The following MPRIP variants were observed in gnomAD, a reference collection of about 807,000 sequenced individuals.
The protein encoded by MPRIP is myosin phosphatase Rho-interacting protein.
In MPRIP, 59 loss-of-function variants were observed where a neutral mutation model predicts 234.9. The observed-to-expected ratio is 0.25, with a 90% CI of 0.20 to 0.31. The LOEUF (loss-of-function observed/expected upper bound fraction) is 0.31, where lower values mean the gene tolerates loss of function less well. Ranked by LOEUF, MPRIP falls within the 10% of genes least tolerant of loss-of-function variation. The pLI is 1.00. For missense variants in MPRIP, 2,436 were observed against 3,071.0 expected, an observed-to-expected ratio of 0.79 and a Z score of 4.89; for synonymous variants, 1,144 against 1,263.9, an observed-to-expected ratio of 0.91 and a Z score of 2.01.
Position 17,185,704 on chromosome 17 carries a change from A to G in MPRIP, c.*810A>G. 1 of 356,900 alleles carries G rather than the reference A, an allele frequency of 2.8e-6. No individual in the cohort carries two copies. The allele number at this position is 356,900 out of a possible 1,614,324, so 22.1% of individuals were successfully genotyped here. ...GACTCTGATTGCAAAAAACAAATGAATTCCCCCCAGGAATCATTCAAAATG... is the reference window on the plus strand; with the variant it reads ...GACTCTGATTGCAAAAAACAAATGAGTTCCCCCCAGGAATCATTCAAAATG... On this transcript the variant is annotated 3_prime_UTR_variant, in exon 24 of 24. Coordinates refer to ENST00000651222, the MANE Select transcript of MPRIP (RefSeq NM_001364716.4).
At chr17:17,089,826 T>C (rs544464841) in intron 3 of MPRIP, among the ~76,000 whole-genome samples, 1 of 152,252 alleles carries the variant, frequency 6.6e-6, no homozygotes, top group African/African-American at 2.4e-5. Context: ...GGGAATGTCA[T>C]TGCTGGAAAG....
chr17:17,147,486 A>G, intron 11 of MPRIP, 99 bp downstream of exon 11: 1 of 1,128,682 alleles, frequency 8.9e-7, no homozygotes. Context: ...TAATGTCCCC[A>G]CTTCTGAGGA....
intron 1 of MPRIP, among the ~76,000 whole-genome samples, chr17:17,064,572 C>T (rs997039719): frequency 2.0e-5 from 3 of 152,170 alleles, no homozygotes; most frequent in Admixed American, 1.3e-4. Context: ...AACCCAACCC[C>T]AGCCACCCAG....
intron 3 of MPRIP, among the ~76,000 whole-genome samples, chr17:17,102,042 T>A (rs2089972955): frequency 6.6e-6 from 1 of 152,170 alleles, no homozygotes; most frequent in African/African-American, 2.4e-5. Context: ...CTTCATTTTT[T>A]TTTTTAATTT....
intron 3 of MPRIP, among the ~76,000 whole-genome samples, chr17:17,101,723 G>T (rs1017933474): frequency 4.6e-5 from 7 of 152,374 alleles, no homozygotes; most frequent in Admixed American, 3.9e-4. Context: ...TTTCCTGAGG[G>T]TAGAGTTCTA....
chr17:17,151,043 T>C (rs971952632), intron 12 of MPRIP, among the ~76,000 whole-genome samples: 1 of 150,422 alleles, frequency 6.6e-6, no homozygotes, highest in Non-Finnish European at 1.5e-5. Flanking sequence ...ATTATTATTA[T>C]CATTATTTAG....
At chr17:17,059,859 TGTTCTGA>T (rs1034694271) in intron 1 of MPRIP, among the ~76,000 whole-genome samples, 1 of 152,178 alleles carries the variant, frequency 6.6e-6, no homozygotes, top group African/African-American at 2.4e-5. Context: ...TGGGCATGGC[TGTTCTGA>T]GTTCTGGGAC....
At chr17:17,079,882 T>C (rs4621033) in intron 3 of MPRIP, among the ~76,000 whole-genome samples, 12,580 of 152,216 alleles carry the variant, frequency 0.083, 733 homozygotes, top group East Asian at 0.17. Flanking sequence ...TTCTGGATAA[T>C]TGAGGCCGCT....
intron 23 of MPRIP, among the ~76,000 whole-genome samples, chr17:17,184,435 C>T (rs181694474): frequency 3.3e-5 from 5 of 152,358 alleles, no homozygotes; most frequent in African/African-American, 1.2e-4. Flanking sequence ...TGAAGAATCT[C>T]TGGAGCTGGA....
At chr17:17,076,896 C>G (rs906009460) in intron 2 of MPRIP, among the ~76,000 whole-genome samples, 112 of 150,654 alleles carry the variant, frequency 7.4e-4, no homozygotes, top group Non-Finnish European at 1.4e-3. Context: ...TTCACGTGGC[C>G]TCACTGCCAG....
At chr17:17,049,447 C>G (rs897090719) in intron 1 of MPRIP, among the ~76,000 whole-genome samples, 1 of 152,216 alleles carries the variant, frequency 6.6e-6, no homozygotes, top group Non-Finnish European at 1.5e-5. Flanking sequence ...CTCACACACA[C>G]ACACCTGCCT....
intron 1 of MPRIP, among the ~76,000 whole-genome samples, chr17:17,059,122 G>A (rs1311930295): frequency 1.3e-5 from 2 of 152,182 alleles, no homozygotes; most frequent in Non-Finnish European, 2.9e-5. Context: ...ATGTAGTCAC[G>A]TAACATATAT....
At chr17:17,153,280 C>T (rs1038368631) in intron 12 of MPRIP, among the ~76,000 whole-genome samples, 3 of 152,128 alleles carry the variant, frequency 2.0e-5, no homozygotes, top group Non-Finnish European at 4.4e-5. Flanking sequence ...GCCACTAGCA[C>T]CCATCCGAAA....
intron 14 of MPRIP, among the ~76,000 whole-genome samples, chr17:17,159,843 G>GGAAGT (rs1210361289): frequency 6.6e-6 from 1 of 152,152 alleles, no homozygotes; most frequent in Non-Finnish European, 1.5e-5. Context: ...TTTGCCACTT[G>GGAAGT]GGTATGCCTC....
Position 17,166,033 on chromosome 17 carries a change from A to G in MPRIP, c.4442A>G (p.Asn1481Ser). 1 of 1,303,846 alleles carries G rather than the reference A, an allele frequency of 7.7e-7. No individual in the cohort carries two copies. Among genetic ancestry groups the G allele is most frequent in the Non-Finnish European group, 1.0e-6 (1 of 988,758 alleles). 80.8% of individuals were successfully genotyped at this position (1,303,846 alleles called of 1,614,324 possible). A position where few individuals can be genotyped will look rare whatever the true frequency, so the allele number is the denominator to read the frequency against. Residue 1481 changes from asparagine to serine, a missense_variant, in exon 16 of 24, where the codon AAT becomes AGT. Asn to Ser is a conservative substitution (Grantham distance 46). Coordinates refer to ENST00000651222, the MANE Select transcript of MPRIP (RefSeq NM_001364716.4). The surrounding 1 kb of genome is among the most constrained non-coding windows in gnomAD (Gnocchi z 4.4). ...AGTCAGGCCCTGATGTGCCTGGAAA[A>G]TTGCCGAGAACAACTGAGATCTCTG... The part of the protein sequence containing the change: ...KNSQALMCLE[N>S]CREQLRSLPR...
chr17:17,129,690 CT>C (rs1326484745), intron 4 of MPRIP, among the ~76,000 whole-genome samples: 1 of 152,234 alleles, frequency 6.6e-6, no homozygotes, highest in Non-Finnish European at 1.5e-5. Flanking sequence ...CTCCCCTCCC[CT>C]CCAGGTTCCA....
chr17:17,119,578 G>A (rs1212135199), intron 3 of MPRIP, among the ~76,000 whole-genome samples: 1 of 152,210 alleles, frequency 6.6e-6, no homozygotes, highest in Non-Finnish European at 1.5e-5. Flanking sequence ...TGATGTGCCT[G>A]CCTCCTGAAG....
At position 17,042,505 on chromosome 17, in the gene MPRIP, G is replaced by C. The variant is rs1430719564; in HGVS notation, c.-344G>C. On this transcript the variant is annotated 5_prime_UTR_variant, in exon 1 of 24. Transcript: ENST00000651222. ...CCATTTGCAGCGGCCGCGGGGCGCC[G>C]AGGGCAGCTGCGGCGGCGCGGACGA... 1 of 146,904 alleles carries C rather than the reference G, an allele frequency of 6.8e-6. No homozygotes were observed. The highest frequency in any genetic ancestry group is 1.5e-5 in the Non-Finnish European group (1 of 65,938). The allele number at this position is 146,904 out of a possible 1,614,324, so 9.1% of individuals were successfully genotyped here.
At chr17:17,130,620 A>C (rs991381566) in intron 4 of MPRIP, among the ~76,000 whole-genome samples, 1 of 152,008 alleles carries the variant, frequency 6.6e-6, no homozygotes, top group Non-Finnish European at 1.5e-5. Context: ...CAGCAGGCCC[A>C]GCGTGGACCC....
Sources: gnomAD v4.1 joint callset for allele counts (sites outside exome capture counted in the v4.1 genomes callset) on GRCh38, gnomAD v4.1.1 for gene constraint, Gnocchi (gnomAD v3.1) non-coding constraint, MANE v1.5 for transcripts, NCBI Gene and HGNC (gene_info 2026-07-23, HGNC 2026-07-21) for gene names.